PCM1: variants seen among roughly 807,000 people sequenced by gnomAD.
PCM1 encodes the protein pericentriolar material 1.
PCM1 carries 157 observed loss-of-function variants against 241.9 expected under a neutral mutation model. The ratio of observed to expected loss-of-function variants is 0.65; its 90% CI spans 0.57 to 0.74. The LOEUF is 0.74. Ranked by LOEUF, PCM1 falls within the 30% of genes least tolerant of loss-of-function variation. The pLI is 0.00. For synonymous variants in PCM1, 1,085 were observed against 784.9 expected (o/e 1.38, Z -6.39); for missense variants, 3,478 against 2,360.1 (o/e 1.47, Z -9.81).
intron 33 of PCM1, 150 bp downstream of exon 33, chr8:18,011,516 C>T: frequency 2.9e-6 from 3 of 1,049,056 alleles, no homozygotes; most frequent in Non-Finnish European, 2.7e-6. Flanking sequence ...ATTATCTAGA[C>T]TTTCTGCACT....
intron 16 of PCM1, among the ~76,000 whole-genome samples, chr8:17,962,797 G>A (rs945782365): frequency 5.5e-4 from 83 of 151,694 alleles, no homozygotes; most frequent in Admixed American, 5.3e-3. Flanking sequence ...CAGCTACTCA[G>A]GAGGCTGAGG....
At chr8:17,944,323 C>T (rs1298012112) in intron 6 of PCM1, among the ~76,000 whole-genome samples, 2 of 152,120 alleles carry the variant, frequency 1.3e-5, no homozygotes, top group Admixed American at 1.3e-4. Flanking sequence ...AACTGTGACA[C>T]TGGATAAGTC....
intron 29 of PCM1, among the ~76,000 whole-genome samples, chr8:18,005,468 G>A (rs750409632): frequency 1.7e-4 from 25 of 151,426 alleles, no homozygotes; most frequent in Non-Finnish European, 2.5e-4. Context: ...TTATAGATAT[G>A]TATTGGTGGG....
chr8:17,959,962 G>C (rs2070886834), intron 13 of PCM1, 52 bp from the exon 14 acceptor site: 1 of 1,543,744 alleles, frequency 6.5e-7, no homozygotes, highest in East Asian at 2.3e-5. Flanking sequence ...GGTATGAATT[G>C]GATAATGTCT....
At chr8:17,946,736 T>C (rs1023249954) in intron 6 of PCM1, among the ~76,000 whole-genome samples, 1 of 152,120 alleles carries the variant, frequency 6.6e-6, no homozygotes, top group African/African-American at 2.4e-5. Context: ...CCTTGTGATC[T>C]GCCCACCTCG....
intron 6 of PCM1, among the ~76,000 whole-genome samples, chr8:17,946,545 G>A (rs960034202): frequency 4.6e-5 from 7 of 151,426 alleles, no homozygotes; most frequent in Admixed American, 6.6e-5. Flanking sequence ...CACCCAGGCT[G>A]GAGTGCAATG....
At chr8:17,974,659 T>C in intron 23 of PCM1, among the ~76,000 whole-genome samples, 1 of 152,226 alleles carries the variant, frequency 6.6e-6, no homozygotes, top group Non-Finnish European at 1.5e-5. Context: ...TTAATTTTTC[T>C]GAAACCCCTT....
Position 17,950,716 on chromosome 8 carries a change from G to T in PCM1, c.1063G>T (p.Asp355Tyr). 1 of 1,555,308 alleles carries T rather than the reference G, an allele frequency of 6.4e-7. No homozygotes were observed. The highest frequency in any genetic ancestry group is 2.3e-5 in the East Asian group (1 of 44,102). ...LIQRFHNQLR[D>Y]SQPPAVPDNR... is the part of the protein sequence containing the mutation. Reference sequence around the variant, plus strand: ...TCAGCGTTTTCATAATCAGCTTCGTGATTCTCAGGTAACCTAGATGTTTTA... The same window carrying T: ...TCAGCGTTTTCATAATCAGCTTCGTTATTCTCAGGTAACCTAGATGTTTTA... The change falls in exon 8 of 39, where the codon GAT becomes TAT. Residue 355 changes from aspartate (D) to tyrosine (Y), a missense_variant. Physicochemically the swap from Asp to Tyr is radical, Grantham distance 160 (BLOSUM62 -3). Transcript: ENST00000325083.
At chr8:17,985,160 T>A (rs962520536) in intron 24 of PCM1, among the ~76,000 whole-genome samples, 1 of 151,884 alleles carries the variant, frequency 6.6e-6, no homozygotes, top group Non-Finnish European at 1.5e-5. Flanking sequence ...ATGTATAATA[T>A]TTTCTGTATA....
intron 36 of PCM1, among the ~76,000 whole-genome samples, chr8:18,021,031 C>G (rs1398999202): frequency 6.6e-6 from 1 of 152,148 alleles, no homozygotes; most frequent in Admixed American, 6.5e-5. Flanking sequence ...CTGAAATTGA[C>G]AAAATATGCA....
Position 18,009,590 on chromosome 8 carries a change from GAGA to G in PCM1, c.5010_5012del (p.Glu1670del), listed in dbSNP as rs1409682548. ...GCTGGCAGAAAACTGAAAGACTGTGGAGAAGATCTTCTTGTAGAGATATCTGAA... is the reference window on the plus strand; with the variant it reads ...GCTGGCAGAAAACTGAAAGACTGTGGAGATCTTCTTGTAGAGATATCTGAA... On this transcript the variant is annotated inframe_deletion, in exon 31 of 39. Transcript: ENST00000325083. The G allele has an allele frequency of 6.2e-7, 1 of 1,603,066 alleles. No individual in the cohort carries two copies. The highest frequency in any genetic ancestry group is 1.3e-5 in the African/African-American group (1 of 74,758).
chr8:17,923,741 G>A lies in PCM1; in HGVS notation c.-91+553G>A, dbSNP rs1357721875. 6.6e-5 allele frequency among the ~76,000 whole-genome samples: 10 copies of A among 152,118 alleles called. No individual in the cohort carries two copies. In the East Asian group the frequency reaches 1.9e-3, roughly 29 times the overall value. On this transcript the variant is annotated intron_variant, in intron 1 of 38. Transcript: ENST00000325083. ...ATTTCCGCCGTCTCTGGTGCTGTGG[G>A]AGCCGATGGGCCGGGGGAGGCGTTC... is the stretch of plus-strand genomic sequence containing the variant.
At chr8:18,026,522 G>A (rs1442591063) in intron 38 of PCM1, among the ~76,000 whole-genome samples, 1 of 151,564 alleles carries the variant, frequency 6.6e-6, no homozygotes, top group South Asian at 2.1e-4. Flanking sequence ...GCCTCCCAAA[G>A]TGCTGAGATT....
chr8:17,992,264 G>T (rs982676243), intron 28 of PCM1, among the ~76,000 whole-genome samples: 1 of 152,156 alleles, frequency 6.6e-6, no homozygotes, highest in East Asian at 1.9e-4. Context: ...ATACCTAGTA[G>T]TGAGATTGTT....
At chr8:17,946,871 G>GTGTGTGTCCA (rs751529770) in intron 6 of PCM1, among the ~76,000 whole-genome samples, 7 of 148,804 alleles carry the variant, frequency 4.7e-5, no homozygotes, top group African/African-American at 1.7e-4. Flanking sequence ...GTGTGTGTGT[G>GTGTGTGTCCA]TCCATGTGTC....
intron 36 of PCM1, among the ~76,000 whole-genome samples, chr8:18,023,861 A>T (rs968321390): frequency 6.6e-6 from 1 of 152,196 alleles, no homozygotes; most frequent in Non-Finnish European, 1.5e-5. Context: ...GCATGACTGA[A>T]TCCCAACATA....
chr8:18,000,071 CTGTTTT>C (rs1342991584), intron 29 of PCM1, among the ~76,000 whole-genome samples: 1 of 152,060 alleles, frequency 6.6e-6, no homozygotes, highest in Non-Finnish European at 1.5e-5. Flanking sequence ...ATGATGGTGT[CTGTTTT>C]ATATTGGATG....
rs574245467 is a variant in PCM1 at position 17,985,549 on chromosome 8, T to C, written c.4211T>C (p.Ile1404Thr). The part of the protein sequence containing the change: ...SQNESRPHFL[I>T]ELFHELQLLN... ...AATGAATCTCGTCCACATTTTCTTA[T>C]TGAACTCTTCCATGAGCTGCAGCTA... is the stretch of plus-strand genomic sequence containing the variant. The change falls in exon 25 of 39, where the codon ATT becomes ACT. Residue 1404 changes from isoleucine to threonine, a missense_variant. Coordinates refer to ENST00000325083, the MANE Select transcript of PCM1 (RefSeq NM_006197.4). The C allele has an allele frequency of 7.5e-6, 12 of 1,602,226 alleles. No homozygotes were observed. Among genetic ancestry groups the C allele is most frequent in the African/African-American group, 5.3e-5 (4 of 74,928 alleles).
In PCM1 at chr8:17,957,652, T is replaced by A. The variant is rs566688763; in HGVS notation, c.1917T>A (p.Ser639=). ...EEEGVSGASL[S]SHRSSLVDEH... ...AGGGAGTCAGTGGAGCTTCATTATC[T>A]AGTCACAGGAGCAGTCTGGTTGATG... is the stretch of plus-strand genomic sequence containing the variant. The change falls in exon 13 of 39, where the codon TCT becomes TCA. Residue 639 remains serine, a synonymous_variant. Transcript: ENST00000325083. The A allele has an allele frequency of 1.2e-6, 2 of 1,600,742 alleles. No homozygotes were observed. Among genetic ancestry groups the A allele is most frequent in the Admixed American group, 3.5e-5 (2 of 57,582 alleles).
Sources: allele counts gnomAD v4.1 joint callset (sites outside exome capture counted in the v4.1 genomes callset), GRCh38; gene constraint gnomAD v4.1.1; transcripts MANE v1.5; gene names NCBI Gene and HGNC (gene_info 2026-07-23, HGNC 2026-07-21).